Variants in GLRA1 observed in about 807,000 individuals in gnomAD.
GLRA1 encodes the protein glycine receptor alpha 1, also known as glycine receptor subunit alpha-1.
In GLRA1, 37 loss-of-function variants were observed where a neutral mutation model predicts 48.3. That is an observed-to-expected ratio of 0.77 (90% CI 0.59 to 1.01). The LOEUF is 1.01. Ranked by LOEUF, GLRA1 falls within the 50% of genes least tolerant of loss-of-function variation. GLRA1 has a pLI of 0.00. For missense variants in GLRA1, 427 were observed against 571.0 expected, an observed-to-expected ratio of 0.75 and a Z score of 2.57; for synonymous variants, 196 against 210.7, an observed-to-expected ratio of 0.93 and a Z score of 0.60.
chr5:151,879,956 A>G (rs1753722427), intron 3 of GLRA1, among the ~76,000 whole-genome samples: 2 of 152,166 alleles, frequency 1.3e-5, no homozygotes, highest in Admixed American at 6.5e-5. Flanking sequence ...TGTTCTTGTG[A>G]TAGTGAGTAA....
Position 151,825,327 on chromosome 5 carries a change from C to T in GLRA1, c.1060-2364G>A, listed in dbSNP as rs376959091. Among the ~76,000 whole-genome samples, 6 of 152,176 alleles carry T rather than the reference C, an allele frequency of 3.9e-5. No homozygotes were observed. The East Asian group carries it at 1.2e-3, about 29-fold the overall frequency. ...TTTTATTTTTATTTTTTATTTTAAACTGGGACCTAGTTACGTAGGGGGAAG... is the reference window on the plus strand; with the variant it reads ...TTTTATTTTTATTTTTTATTTTAAATTGGGACCTAGTTACGTAGGGGGAAG... On this transcript the variant is annotated intron_variant, in intron 8 of 8. Transcript: ENST00000274576.
At chr5:151,909,873 C>T (rs1196399433) in intron 1 of GLRA1, among the ~76,000 whole-genome samples, 1 of 151,996 alleles carries the variant, frequency 6.6e-6, no homozygotes, top group Non-Finnish European at 1.5e-5. Context: ...ACAACTGGGA[C>T]ATGTAATTCT....
chr5:151,917,610 A>G (rs985816056), intron 1 of GLRA1, among the ~76,000 whole-genome samples: 4 of 152,142 alleles, frequency 2.6e-5, no homozygotes, highest in African/African-American at 9.7e-5. Context: ...TGTTATTATT[A>G]TTGTTGTTAT....
At chr5:151,826,974 G>A (rs77315333) in intron 8 of GLRA1, among the ~76,000 whole-genome samples, 197 of 151,132 alleles carry the variant, frequency 1.3e-3, no homozygotes, top group African/African-American at 4.5e-3. Context: ...TAGGGAAAAT[G>A]GAAAAATAAA....
intron 7 of GLRA1, among the ~76,000 whole-genome samples, chr5:151,844,515 G>A (rs919510344): frequency 4.6e-5 from 7 of 150,762 alleles, no homozygotes; most frequent in Non-Finnish European, 5.9e-5. Flanking sequence ...TCAGCTACTC[G>A]GGAGGCTGAG....
chr5:151,825,295 G>GTTTTAT (rs1763245073), intron 8 of GLRA1, among the ~76,000 whole-genome samples: 1 of 152,030 alleles, frequency 6.6e-6, no homozygotes, highest in African/African-American at 2.4e-5. Context: ...CTGGGGTGTT[G>GTTTTAT]TTCTATTTTT....
At chr5:151,874,520 G>A (rs931869301) in intron 3 of GLRA1, among the ~76,000 whole-genome samples, 2 of 152,164 alleles carry the variant, frequency 1.3e-5, no homozygotes, top group Non-Finnish European at 2.9e-5. Flanking sequence ...ATACTGACTA[G>A]CTCTTGTGAT....
intron 2 of GLRA1, among the ~76,000 whole-genome samples, chr5:151,890,165 GTC>G (rs2113413223): frequency 6.6e-6 from 1 of 152,332 alleles, no homozygotes; most frequent in Non-Finnish European, 1.5e-5. Flanking sequence ...CTGGGTTAAA[GTC>G]TCTGGTTTTG....
intron 7 of GLRA1, among the ~76,000 whole-genome samples, chr5:151,830,194 A>T (rs762347539): frequency 6.6e-6 from 1 of 152,174 alleles, no homozygotes; most frequent in Non-Finnish European, 1.5e-5. Context: ...AGCTTCTTCA[A>T]TGCCTCATTC....
At chr5:151,922,717 A>G (rs1754908713) in intron 1 of GLRA1, among the ~76,000 whole-genome samples, 1 of 152,258 alleles carries the variant, frequency 6.6e-6, no homozygotes, top group Admixed American at 6.5e-5. Flanking sequence ...CAAAATGACT[A>G]CAATCCAGAC....
At chr5:151,879,876 A>G (rs1753719771) in intron 3 of GLRA1, among the ~76,000 whole-genome samples, 2 of 152,188 alleles carry the variant, frequency 1.3e-5, no homozygotes, top group Admixed American at 1.3e-4. Flanking sequence ...TCTCATCTTG[A>G]ATTTCCATGT....
At chr5:151,895,625 CTGTGTGTGTGTGTGTGTG>C (rs67871185) in intron 1 of GLRA1, among the ~76,000 whole-genome samples, 3 of 146,592 alleles carry the variant, frequency 2.0e-5, no homozygotes, top group African/African-American at 7.5e-5. Context: ...GTGTGTGTGT[CTGTGTGTGTGTGTGTGTG>C]TGTGTGTGTG....
chr5:151,886,206 T>A (rs1255865886), intron 3 of GLRA1, among the ~76,000 whole-genome samples: 1 of 152,238 alleles, frequency 6.6e-6, no homozygotes, highest in African/African-American at 2.4e-5. Flanking sequence ...ATTCATAACT[T>A]TTTAATTCAG....
chr5:151,898,139 A>G (rs539475363), intron 1 of GLRA1, among the ~76,000 whole-genome samples: 28 of 152,040 alleles, frequency 1.8e-4, no homozygotes, highest in Non-Finnish European at 3.8e-4. Context: ...CCCCAGTTAC[A>G]CAATGAAATT....
intron 8 of GLRA1, among the ~76,000 whole-genome samples, chr5:151,825,858 T>TA (rs1763256966): frequency 1.3e-5 from 2 of 152,304 alleles, no homozygotes; most frequent in South Asian, 2.1e-4. Flanking sequence ...ATCTGGGACT[T>TA]AAAATCCCTT....
chr5:151,836,725 G>A (rs1341150545), intron 7 of GLRA1, among the ~76,000 whole-genome samples: 1 of 152,174 alleles, frequency 6.6e-6, no homozygotes, highest in Non-Finnish European at 1.5e-5. Context: ...AAATGGTGTT[G>A]GGAAAACTGT....
chr5:151,890,557 G>C (rs551797292), intron 2 of GLRA1, among the ~76,000 whole-genome samples: 2 of 152,316 alleles, frequency 1.3e-5, no homozygotes, highest in Non-Finnish European at 2.9e-5. Flanking sequence ...TGATTTAGTT[G>C]TCAATTTGCA....
chr5:151,886,087 G>A (rs1022374843), intron 3 of GLRA1, among the ~76,000 whole-genome samples: 2 of 152,064 alleles, frequency 1.3e-5, no homozygotes, highest in African/African-American at 4.8e-5. Flanking sequence ...CAAAAAGTCT[G>A]AGAAAAGTTT....
At chr5:151,850,565 C>G in intron 7 of GLRA1, 1 of 1,346,910 alleles carries the variant, frequency 7.4e-7, no homozygotes, top group Non-Finnish European at 1.1e-6. Flanking sequence ...GGACAAAGCC[C>G]AACACCTAGC....
Sources: allele counts gnomAD v4.1 joint callset (sites outside exome capture counted in the v4.1 genomes callset), GRCh38; gene constraint gnomAD v4.1.1; transcripts MANE v1.5; gene names NCBI Gene and HGNC (gene_info 2026-07-23, HGNC 2026-07-21).